The following RAPGEF6 variants were observed in gnomAD, a reference collection of about 807,000 sequenced individuals.
RAPGEF6 encodes the protein PDZ domain containing guanine nucleotide exchange factor (GEF) 2.
Under a neutral mutation model 171.4 loss-of-function variants are expected in RAPGEF6, and 56 were observed. That is an observed-to-expected ratio of 0.33 (90% CI 0.26 to 0.41). The LOEUF (loss-of-function observed/expected upper bound fraction) is 0.41, where lower values mean the gene tolerates loss of function less well. Among genes scored for constraint, RAPGEF6 ranks in the 10% least tolerant of loss-of-function variants. RAPGEF6 has a pLI of 1.00. For synonymous variants in RAPGEF6, 692 were observed against 650.1 expected (o/e 1.06, Z -0.98); for missense variants, 1,674 against 1,921.4 (o/e 0.87, Z 2.41).
chr5:131,603,491 T>TTA (rs983904288), intron 2 of RAPGEF6, among the ~76,000 whole-genome samples, 164 bp from the exon 3 acceptor site: 1 of 152,090 alleles, frequency 6.6e-6, no homozygotes, highest in African/African-American at 2.4e-5. Context: ...TATGTGTATT[T>TTA]TATATATATA....
At chr5:131,634,142 C>A (rs1038149509) in intron 1 of RAPGEF6, among the ~76,000 whole-genome samples, 1 of 151,518 alleles carries the variant, frequency 6.6e-6, no homozygotes, top group Non-Finnish European at 1.5e-5. Context: ...ATTTCATTTA[C>A]TGCAACTTTA....
chr5:131,543,581 T>C (rs963554926), intron 6 of RAPGEF6, among the ~76,000 whole-genome samples: 1 of 152,202 alleles, frequency 6.6e-6, no homozygotes, highest in Non-Finnish European at 1.5e-5. Flanking sequence ...TACACACACA[T>C]TCTAAAAATT....
At chr5:131,491,113 CAATA>C (rs899674003) in intron 14 of RAPGEF6, among the ~76,000 whole-genome samples, 1 of 151,980 alleles carries the variant, frequency 6.6e-6, no homozygotes, top group Non-Finnish European at 1.5e-5. Context: ...AATAACTGAA[CAATA>C]AATATACTGA....
At chr5:131,567,019 G>A (rs995233555) in intron 4 of RAPGEF6, among the ~76,000 whole-genome samples, 20 of 151,258 alleles carry the variant, frequency 1.3e-4, no homozygotes, top group African/African-American at 3.4e-4. Context: ...ACTTGAACCC[G>A]GGAAGTGGAG....
intron 4 of RAPGEF6, among the ~76,000 whole-genome samples, chr5:131,590,488 T>A (rs1421552050): frequency 1.3e-5 from 2 of 152,214 alleles, no homozygotes; most frequent in Admixed American, 6.5e-5. Context: ...AAAAATTACT[T>A]GATGCTTAAT....
chr5:131,527,400 A>G (rs1165973819), intron 6 of RAPGEF6, among the ~76,000 whole-genome samples: 1 of 152,232 alleles, frequency 6.6e-6, no homozygotes, highest in East Asian at 1.9e-4. Flanking sequence ...GGCAAAAAAC[A>G]AGTATGATAA....
At chr5:131,479,185 T>C (rs1201658792) in intron 16 of RAPGEF6, among the ~76,000 whole-genome samples, 1 of 146,704 alleles carries the variant, frequency 6.8e-6, no homozygotes, top group Non-Finnish European at 1.5e-5. Flanking sequence ...AAAAAACTGG[T>C]GAATAAGTCC....
chr5:131,424,317 GT>G lies in RAPGEF6; in HGVS notation c.*2948del, dbSNP rs1483896484. 6.6e-5 allele frequency: 10 copies of G among 152,348 alleles called. No homozygotes were observed. The highest frequency in any genetic ancestry group is 1.5e-4 in the Non-Finnish European group (10 of 68,036). The allele number at this position is 152,348 out of a possible 1,614,324, so 9.4% of individuals were successfully genotyped here. ...AAGTCAAAGATGAACCAGGATTCAA[GT>G]TTAAATTTGAACATGTACTGTGACA... On this transcript the variant is annotated 3_prime_UTR_variant, in exon 28 of 28. Transcript: ENST00000509018.
chr5:131,536,996 C>T (rs1049506805), intron 6 of RAPGEF6, among the ~76,000 whole-genome samples: 3 of 152,162 alleles, frequency 2.0e-5, no homozygotes, highest in African/African-American at 7.2e-5. Context: ...GTAAAAGCCA[C>T]ATACACAAGA....
chr5:131,539,279 G>A (rs1178263856), intron 6 of RAPGEF6, among the ~76,000 whole-genome samples: 2 of 152,082 alleles, frequency 1.3e-5, no homozygotes, highest in South Asian at 2.1e-4. Context: ...AAAACAATCA[G>A]GATTTATCAA....
intron 15 of RAPGEF6, among the ~76,000 whole-genome samples, chr5:131,481,773 A>G (rs777489028): frequency 1.3e-5 from 2 of 152,236 alleles, no homozygotes; most frequent in African/African-American, 2.4e-5. Flanking sequence ...CAGTGGTTGC[A>G]TATTCTTAGA....
At chr5:131,631,245 TACTC>T (rs1347975783) in intron 1 of RAPGEF6, among the ~76,000 whole-genome samples, 1 of 152,226 alleles carries the variant, frequency 6.6e-6, no homozygotes, top group Admixed American at 6.5e-5. Context: ...TGCAACCTCT[TACTC>T]ATTTCTAACA....
chr5:131,472,413 G>T lies in RAPGEF6; in HGVS notation c.2239+174C>A, dbSNP rs999034979. ...TATGTACTTCTGTTTCACTTTAGAG[G>T]AAGTACCATTCAAATTAACAGAACA... On this transcript the variant is annotated intron_variant, in intron 17 of 27. Transcript: ENST00000509018. 3 of 780,886 alleles carry T rather than the reference G, an allele frequency of 3.8e-6. No individual in the cohort carries two copies. In the African/African-American group the frequency reaches 5.1e-5, roughly 13 times the overall value. 48.4% of individuals were successfully genotyped at this position (780,886 alleles called of 1,614,324 possible). A position where few individuals can be genotyped will look rare whatever the true frequency, so the allele number is the denominator to read the frequency against.
In RAPGEF6 at chr5:131,492,751, G is replaced by A; in HGVS notation, c.1562C>T (p.Ala521Val). ...MNGHLRLLNI[A>V]CAAKAKWRQV... is the part of the protein sequence containing the mutation. ...TCTCCACTTAGCCTTTGCAGCACAG[G>A]CAATATTCAATAACCGGAGATGACC... The change falls in exon 14 of 28, where the codon GCC becomes GTC. Residue 521 changes from alanine (A) to valine (V), a missense_variant. Coordinates refer to ENST00000509018, the MANE Select transcript of RAPGEF6 (RefSeq NM_016340.6). 6.2e-7 allele frequency: 1 copy of A among 1,613,816 alleles called. No homozygotes were observed. The highest frequency in any genetic ancestry group is 8.5e-7 in the Non-Finnish European group (1 of 1,179,710).
intron 6 of RAPGEF6, among the ~76,000 whole-genome samples, chr5:131,538,487 C>CA (rs1759922274): frequency 6.6e-6 from 1 of 152,078 alleles, no homozygotes; most frequent in South Asian, 2.1e-4. Context: ...AAACAGGCAG[C>CA]AAAATCTGAT....
At chr5:131,451,421 T>C (rs966959105) in intron 21 of RAPGEF6, among the ~76,000 whole-genome samples, 2 of 145,666 alleles carry the variant, frequency 1.4e-5, no homozygotes, top group Non-Finnish European at 3.0e-5. Context: ...CTATCTCTAC[T>C]GGAAAAAAAA....
chr5:131,452,508 A>T (rs1480705777), intron 21 of RAPGEF6, among the ~76,000 whole-genome samples: 1 of 152,210 alleles, frequency 6.6e-6, no homozygotes, highest in African/African-American at 2.4e-5. Context: ...TGAATTAAAC[A>T]GAAACAGAAC....
chr5:131,614,295 A>AAAAAG (rs1554087600), intron 1 of RAPGEF6, among the ~76,000 whole-genome samples: 19 of 146,266 alleles, frequency 1.3e-4, no homozygotes, highest in African/African-American at 3.7e-4. Context: ...AAAAAAAAAA[A>AAAAAG]AAAAAAAGAA....
intron 1 of RAPGEF6, among the ~76,000 whole-genome samples, chr5:131,627,551 T>TA (rs1766013173): frequency 6.6e-6 from 1 of 152,044 alleles, no homozygotes; most frequent in Non-Finnish European, 1.5e-5. Context: ...CATTCTGAAG[T>TA]AAAAAAAGGA....
Sources: gnomAD v4.1 joint callset for allele counts (sites outside exome capture counted in the v4.1 genomes callset) on GRCh38, gnomAD v4.1.1 for gene constraint, MANE v1.5 for transcripts, NCBI Gene and HGNC (gene_info 2026-07-23, HGNC 2026-07-21) for gene names.